The following VAC14 variants were observed in gnomAD, a reference collection of about 807,000 sequenced individuals.
VAC14 encodes the protein protein VAC14 homolog.
A neutral mutation model predicts 85.3 loss-of-function variants in VAC14; 47 were observed. The observed-to-expected ratio is 0.55, with a 90% CI of 0.44 to 0.70. The LOEUF (loss-of-function observed/expected upper bound fraction) is 0.70. Among genes scored for constraint, VAC14 ranks in the 30% least tolerant of loss-of-function variants. VAC14 has a pLI of 0.00. For missense variants in VAC14, 861 were observed against 1,004.3 expected (o/e 0.86, Z 1.93); for synonymous variants, 447 against 430.5 (o/e 1.04, Z -0.47).
intron 14 of VAC14, among the ~76,000 whole-genome samples, chr16:70,708,342 T>A (rs529719322): frequency 6.6e-6 from 1 of 152,334 alleles, no homozygotes; most frequent in East Asian, 1.9e-4. Context: ...GATGAATGCT[T>A]GTAGGACAGA....
intron 16 of VAC14, chr16:70,696,919 C>A: frequency 2.0e-6 from 1 of 491,436 alleles, no homozygotes; most frequent in African/African-American, 2.0e-5. Flanking sequence ...CGGGCCAGCT[C>A]CCCCTCCAAG....
intron 1 of VAC14, among the ~76,000 whole-genome samples, chr16:70,790,158 T>A (rs191766190): frequency 1.4e-3 from 213 of 152,264 alleles, no homozygotes; most frequent in Non-Finnish European, 2.4e-3. Context: ...AAGAAGGGCA[T>A]GAGGTGACTC....
intron 17 of VAC14, among the ~76,000 whole-genome samples, chr16:70,694,891 C>T (rs1452075660): frequency 6.6e-6 from 1 of 152,194 alleles, no homozygotes; most frequent in Non-Finnish European, 1.5e-5. Flanking sequence ...CAGAGGGACT[C>T]GGGACCCACA....
intron 10 of VAC14, chr16:70,770,872 C>A (rs576821940): frequency 6.6e-6 from 1 of 152,280 alleles, no homozygotes; most frequent in South Asian, 2.1e-4. Flanking sequence ...AACGGCTGCA[C>A]CTGCGTGCTT....
intron 7 of VAC14, 91 bp from the exon 8 acceptor site, chr16:70,782,094 G>A: frequency 6.6e-7 from 1 of 1,517,190 alleles, no homozygotes. Flanking sequence ...GGGGCTGGCG[G>A]CCTGTGGAAC....
intron 1 of VAC14, 21 bp downstream of exon 1, chr16:70,800,776 A>T: frequency 6.3e-7 from 1 of 1,596,904 alleles, no homozygotes; most frequent in East Asian, 2.3e-5. Context: ...ATAGCCAGGG[A>T]GGGGTCCTGG....
At chr16:70,719,181 C>T (rs934278416) in intron 14 of VAC14, among the ~76,000 whole-genome samples, 2 of 152,130 alleles carry the variant, frequency 1.3e-5, no homozygotes, top group Non-Finnish European at 2.9e-5. Context: ...AGCTGGTTTC[C>T]AAGACCCTGT....
At position 70,785,767 on chromosome 16, in the gene VAC14, T is replaced by C. The variant is rs145208697; in HGVS notation, c.358A>G (p.Ile120Val). The C allele has an allele frequency of 6.0e-3, 9,507 of 1,584,144 alleles. 36 individuals carry two copies. The highest frequency in any genetic ancestry group is 7.2e-3 in the Non-Finnish European group (8,387 of 1,163,610). ...RYYACEALYN[I>V]VKVARGAVLP... ...ACAGCGCCCCGGGCCACCTTGACGA[T>C]GTTGTAGAGGGCCTCGCAGGCATAG... Residue 120 changes from isoleucine to valine, a missense_variant, in exon 3 of 19, where the codon ATC (isoleucine) becomes GTC (valine). Transcript: ENST00000261776.
intron 14 of VAC14, among the ~76,000 whole-genome samples, chr16:70,702,544 G>A (rs971504012): frequency 6.6e-6 from 1 of 152,180 alleles, no homozygotes; most frequent in Non-Finnish European, 1.5e-5. Flanking sequence ...CTCCACTGAG[G>A]ATGACTCCCA....
At chr16:70,707,361 G>A (rs1192329901) in intron 14 of VAC14, among the ~76,000 whole-genome samples, 1 of 152,228 alleles carries the variant, frequency 6.6e-6, no homozygotes, top group Non-Finnish European at 1.5e-5. Flanking sequence ...GGGAGGAGGA[G>A]GAGGATGCGG....
intron 10 of VAC14, 129 bp from the exon 11 acceptor site, chr16:70,763,154 G>A: frequency 7.4e-7 from 1 of 1,349,088 alleles, no homozygotes; most frequent in Non-Finnish European, 1.0e-6. Flanking sequence ...GGGGGATCGG[G>A]GGTCAGGGAT....
intron 12 of VAC14, among the ~76,000 whole-genome samples, chr16:70,760,910 G>A (rs1039258867): frequency 2.6e-5 from 4 of 151,264 alleles, no homozygotes; most frequent in South Asian, 2.1e-4. Context: ...CAGGCAGAAC[G>A]GGGCCAAGTC....
intron 12 of VAC14, among the ~76,000 whole-genome samples, chr16:70,749,734 G>A (rs1426455436): frequency 1.3e-5 from 2 of 152,210 alleles, no homozygotes; most frequent in African/African-American, 2.4e-5. Context: ...GGAGCCGGCT[G>A]ATACCCGGCT....
intron 1 of VAC14, among the ~76,000 whole-genome samples, chr16:70,799,299 G>C (rs1486623595): frequency 6.6e-6 from 1 of 152,116 alleles, no homozygotes; most frequent in Non-Finnish European, 1.5e-5. Context: ...AATAAGACTT[G>C]CTAGCATTCG....
At chr16:70,723,439 T>C (rs974542448) in intron 14 of VAC14, among the ~76,000 whole-genome samples, 3 of 152,110 alleles carry the variant, frequency 2.0e-5, no homozygotes, top group African/African-American at 7.2e-5. Context: ...CTTCATAGCC[T>C]GGGTGACTGA....
intron 14 of VAC14, among the ~76,000 whole-genome samples, chr16:70,702,463 G>A (rs763995705): frequency 6.6e-6 from 1 of 152,096 alleles, no homozygotes; most frequent in Admixed American, 6.5e-5. Flanking sequence ...TGCTCCAGCC[G>A]CTCGCTCAAC....
At chr16:70,773,891 G>C (rs1352513070) in intron 9 of VAC14, among the ~76,000 whole-genome samples, 1 of 151,842 alleles carries the variant, frequency 6.6e-6, no homozygotes, top group African/African-American at 2.4e-5. Context: ...TCAGCTTCCA[G>C]GGTAGCTGGG....
Position 70,780,018 on chromosome 16 carries a change from ATTTTTTTTT to A in VAC14, c.1096+763_1096+771del, listed in dbSNP as rs368861697. Among the ~76,000 whole-genome samples, 16 of 111,862 alleles carry A rather than the reference ATTTTTTTTT, an allele frequency of 1.4e-4. No individual in the cohort carries two copies. In the East Asian group the frequency reaches 3.2e-3, roughly 22 times the overall value. 73.4% of individuals were successfully genotyped at this position (111,862 alleles called of 152,430 possible). Reference sequence around the variant, plus strand: ...CCACCATATCTGGCTAATTTTTGTAATTTTTTTTTTTTTTTTTTTTTGGTAGAGATGGGG... The same window carrying A: ...CCACCATATCTGGCTAATTTTTGTAATTTTTTTTTTTTGGTAGAGATGGGG... On this transcript the variant is annotated intron_variant, in intron 9 of 18. Coordinates refer to ENST00000261776, the MANE Select transcript of VAC14 (RefSeq NM_018052.5).
chr16:70,743,945 C>T (rs1243889423), intron 13 of VAC14, among the ~76,000 whole-genome samples: 1 of 152,222 alleles, frequency 6.6e-6, no homozygotes, highest in East Asian at 1.9e-4. Flanking sequence ...CCTTTACTTC[C>T]AAGGACTGCC....
Sources: allele counts gnomAD v4.1 joint callset (sites outside exome capture counted in the v4.1 genomes callset), GRCh38; gene constraint gnomAD v4.1.1; transcripts MANE v1.5; gene names NCBI Gene and HGNC (gene_info 2026-07-23, HGNC 2026-07-21).